The following NXPE2 variants were observed in gnomAD, a reference collection of about 807,000 sequenced individuals.
NXPE2 encodes the protein neurexophilin and PC-esterase domain family member 2.
A neutral mutation model predicts 34.4 loss-of-function variants in NXPE2; 34 were observed. The observed-to-expected ratio is 0.99, with a 90% CI of 0.75 to 1.31. The LOEUF is 1.31. Ranked by LOEUF, NXPE2 falls within the 40% of genes most tolerant of loss-of-function variation. NXPE2 has a pLI of 0.00. For synonymous variants in NXPE2, 235 were observed against 231.3 expected (o/e 1.02, Z -0.15); for missense variants, 649 against 672.5 (o/e 0.97, Z 0.39).
the NXPE2 span, among the ~76,000 whole-genome samples, chr11:114,740,076 A>C: frequency 6.6e-6 from 1 of 152,192 alleles, no homozygotes. Flanking sequence ...ATTGCCTATG[A>C]TAAAGTTTAA....
chr11:114,790,538 C>G, the NXPE2 span, among the ~76,000 whole-genome samples: 1 of 152,108 alleles, frequency 6.6e-6, no homozygotes, highest in Non-Finnish European at 1.5e-5. Context: ...AGCACAAAAC[C>G]CAGATTTTCG....
chr11:114,611,528 C>T, the NXPE2 span, among the ~76,000 whole-genome samples: 24,013 of 151,614 alleles, frequency 0.16, 2,510 homozygotes, highest in Non-Finnish European at 0.22. Context: ...CACTGTTACC[C>T]GGTTTATAAT....
chr11:114,773,564 A>G, the NXPE2 span, among the ~76,000 whole-genome samples: 2 of 151,924 alleles, frequency 1.3e-5, no homozygotes, highest in Non-Finnish European at 2.9e-5. Flanking sequence ...GTTCCTCTTC[A>G]TGTCATCCAC....
At chr11:114,725,974 A>ATATATATATATATAT in the NXPE2 span, among the ~76,000 whole-genome samples, 9 of 32,844 alleles carry the variant, frequency 2.7e-4, no homozygotes, top group African/African-American at 5.3e-4. Context: ...TAATAAAAAA[A>ATATATATATATATAT]AAATATATAT....
At chr11:114,661,886 G>A in the NXPE2 span, among the ~76,000 whole-genome samples, 1 of 152,160 alleles carries the variant, frequency 6.6e-6, no homozygotes, top group South Asian at 2.1e-4. Context: ...TATGGTCAAT[G>A]GGTTTTTGAT....
At chr11:114,803,820 C>T in the NXPE2 span, among the ~76,000 whole-genome samples, 8 of 152,104 alleles carry the variant, frequency 5.3e-5, no homozygotes, top group East Asian at 1.9e-4. Flanking sequence ...CCTCGTGATC[C>T]GCCCACCTCG....
chr11:114,754,786 G>A, the NXPE2 span, among the ~76,000 whole-genome samples: 660 of 152,288 alleles, frequency 4.3e-3, 3 homozygotes, highest in African/African-American at 0.015. Flanking sequence ...CAAGGACCTG[G>A]AGGCCTTCTG....
the NXPE2 span, among the ~76,000 whole-genome samples, chr11:114,516,295 G>C: frequency 1.3e-5 from 2 of 152,116 alleles, no homozygotes; most frequent in Non-Finnish European, 2.9e-5. Flanking sequence ...TTCAGGCAAG[G>C]GTAGGACACT....
At chr11:114,616,590 G>A in the NXPE2 span, among the ~76,000 whole-genome samples, 3 of 140,202 alleles carry the variant, frequency 2.1e-5, no homozygotes, top group African/African-American at 7.8e-5. Context: ...TTACCCAGTG[G>A]ATAATGAGTA....
the NXPE2 span, among the ~76,000 whole-genome samples, chr11:114,548,160 G>T: frequency 1.3e-5 from 2 of 152,054 alleles, no homozygotes; most frequent in Non-Finnish European, 2.9e-5. Flanking sequence ...TTTATGCACC[G>T]AGTACAGAGA....
chr11:114,614,457 C>A, the NXPE2 span, among the ~76,000 whole-genome samples: 4 of 151,776 alleles, frequency 2.6e-5, no homozygotes, highest in Non-Finnish European at 5.9e-5. Flanking sequence ...CCACTGTTAC[C>A]CGCTGGATGA....
the NXPE2 span, among the ~76,000 whole-genome samples, chr11:114,601,883 A>ATATATATTATAT: frequency 8.4e-5 from 5 of 59,692 alleles, no homozygotes; most frequent in East Asian, 1.0e-3. Flanking sequence ...ATTATATATA[A>ATATATATTATAT]TTATATATTA....
chr11:114,723,593 A>G, the NXPE2 span, among the ~76,000 whole-genome samples: 1 of 152,140 alleles, frequency 6.6e-6, no homozygotes, highest in Non-Finnish European at 1.5e-5. Flanking sequence ...GTATCCCCAA[A>G]TCTAAGTTAC....
At chr11:114,695,644 A>G (rs539461228) in intron 2 of NXPE2, among the ~76,000 whole-genome samples, 1 of 152,238 alleles carries the variant, frequency 6.6e-6, no homozygotes, top group South Asian at 2.1e-4. Context: ...TAGAACACTA[A>G]ATATAAATAG....
chr11:114,565,015 A>T, the NXPE2 span, among the ~76,000 whole-genome samples: 4 of 152,324 alleles, frequency 2.6e-5, no homozygotes, highest in South Asian at 8.3e-4. Context: ...AACCATTTGT[A>T]TTGATATCAT....
At chr11:114,554,450 A>ATCAG in the NXPE2 span, 3 of 877,522 alleles carry the variant, frequency 3.4e-6, no homozygotes, top group Non-Finnish European at 4.1e-6. Context: ...CCCTTTGATA[A>ATCAG]TCAGTCCTAT....
the NXPE2 span, among the ~76,000 whole-genome samples, chr11:114,635,947 C>T: frequency 2.0e-5 from 3 of 151,940 alleles, no homozygotes; most frequent in Non-Finnish European, 4.4e-5. Flanking sequence ...GTTTCTCTGC[C>T]CGTCTTTGGT....
the NXPE2 span, chr11:114,580,270 A>T: frequency 6.2e-7 from 1 of 1,614,066 alleles, no homozygotes; most frequent in Admixed American, 1.7e-5. Flanking sequence ...GTGTTTCTCC[A>T]GACATGCCCA....
the NXPE2 span, among the ~76,000 whole-genome samples, chr11:114,741,774 A>G: frequency 4.6e-5 from 7 of 152,274 alleles, no homozygotes; most frequent in East Asian, 9.6e-4. Context: ...TCTTAAAACA[A>G]TATTTTTCAT....
Sources: allele counts gnomAD v4.1 joint callset (sites outside exome capture counted in the v4.1 genomes callset), GRCh38; gene constraint gnomAD v4.1.1; transcripts MANE v1.5; gene names NCBI Gene and HGNC (gene_info 2026-07-23, HGNC 2026-07-21).